The following MTUS2 variants were observed in gnomAD, a reference collection of about 807,000 sequenced individuals.
The protein encoded by MTUS2 is microtubule associated scaffold protein 2.
A neutral mutation model predicts 114.1 loss-of-function variants in MTUS2; 40 were observed. That is an observed-to-expected ratio of 0.35 (90% confidence interval 0.27 to 0.46). MTUS2 has a LOEUF of 0.46. Ranked by LOEUF, MTUS2 falls within the 20% of genes least tolerant of loss-of-function variation. The pLI is 1.00. For missense variants in MTUS2, 1,679 were observed against 1,705.4 expected (o/e 0.98, Z 0.27); for synonymous variants, 688 against 672.0 (o/e 1.02, Z -0.37).
chr13:28,863,956 A>G (rs984655314), intron 2 of MTUS2, among the ~76,000 whole-genome samples: 12 of 152,154 alleles, frequency 7.9e-5, no homozygotes, highest in African/African-American at 2.9e-4. Context: ...TCAGCCTCCA[A>G]AAATACTGGG....
At chr13:29,465,511 G>A (rs1879827373) in intron 9 of MTUS2, among the ~76,000 whole-genome samples, 1 of 152,170 alleles carries the variant, frequency 6.6e-6, no homozygotes, top group Admixed American at 6.5e-5. Context: ...TAATCGCGTA[G>A]GCTACCCTTA....
In MTUS2 at chr13:29,503,130, C is replaced by G. The variant is rs1442920473; in HGVS notation, c.4034C>G (p.Ser1345Trp). Reference sequence around the variant, plus strand: ...GACCCGACCAGTCCGATTAAACTCTCGCCCACATCTCCCGTTTACCGCGGC... The same window carrying G: ...GACCCGACCAGTCCGATTAAACTCTGGCCCACATCTCCCGTTTACCGCGGC... ...TGDPTSPIKLSPTSPVYRGSS... is the reference protein window; with the variant it reads ...TGDPTSPIKLWPTSPVYRGSS... Residue 1345 changes from serine (S) to tryptophan (W), a missense_variant, in exon 16 of 16, where the codon TCG becomes TGG. By Grantham distance (177) the Ser-to-Trp change is radical (BLOSUM62 -3). This residue lies in a region of MTUS2 where 822 missense variants were observed against 899.7 expected (regional missense o/e 0.91). Transcript: ENST00000612955. 3 of 1,614,252 alleles carry G rather than the reference C, an allele frequency of 1.9e-6. No homozygotes were observed. The highest frequency in any genetic ancestry group is 2.5e-6 in the Non-Finnish European group (3 of 1,180,044).
At chr13:28,909,142 C>T (rs1293320895) in intron 2 of MTUS2, among the ~76,000 whole-genome samples, 1 of 151,426 alleles carries the variant, frequency 6.6e-6, no homozygotes, top group Non-Finnish European at 1.5e-5. Flanking sequence ...CAGCTTTGTT[C>T]TTTTGGCTTA....
chr13:28,912,555 C>CACA (rs1461471082), intron 2 of MTUS2, among the ~76,000 whole-genome samples: 2 of 151,898 alleles, frequency 1.3e-5, no homozygotes, highest in Non-Finnish European at 2.9e-5. Flanking sequence ...TGAAGAATGT[C>CACA]AATGGTAGTT....
At position 29,404,432 on chromosome 13, in the gene MTUS2, A is replaced by T. The variant is rs1874602109; in HGVS notation, c.3118-35551A>T. On this transcript the variant is annotated intron_variant, in intron 8 of 15. Coordinates refer to ENST00000612955, the MANE Select transcript of MTUS2 (RefSeq NM_001033602.4). ...GCTACTCGAGAGGCTGAGGCAGGAA[A>T]ATGGCTTGATGCAGCTTGCCAGCCT... Among the ~76,000 whole-genome samples the T allele has an allele frequency of 2.0e-5, 3 of 152,158 alleles. No homozygotes were observed. In the South Asian group the frequency reaches 6.2e-4, roughly 32 times the overall value.
chr13:29,085,214 G>A (rs1889637110), intron 4 of MTUS2, among the ~76,000 whole-genome samples: 2 of 152,138 alleles, frequency 1.3e-5, no homozygotes, highest in Non-Finnish European at 1.5e-5. Context: ...TTCTCATACA[G>A]CTAGAAGAAC....
intron 5 of MTUS2, among the ~76,000 whole-genome samples, chr13:29,186,884 T>C (rs2139179285): frequency 6.6e-6 from 1 of 152,256 alleles, no homozygotes; most frequent in East Asian, 1.9e-4. Flanking sequence ...AAAGTCAGCC[T>C]CAATGAGGGA....
intron 7 of MTUS2, chr13:29,339,933 AGTT>A (rs1433674603): frequency 6.6e-6 from 1 of 152,480 alleles, no homozygotes; most frequent in African/African-American, 2.4e-5. Flanking sequence ...CAGCTCAAGT[AGTT>A]GCCCATGACA....
At chr13:29,100,328 C>T (rs1340968071) in intron 4 of MTUS2, among the ~76,000 whole-genome samples, 1 of 152,192 alleles carries the variant, frequency 6.6e-6, no homozygotes, top group Non-Finnish European at 1.5e-5. Flanking sequence ...TTATTACAAA[C>T]TGCTTAAAAT....
intron 7 of MTUS2, among the ~76,000 whole-genome samples, chr13:29,354,212 G>A (rs1285760835): frequency 6.8e-6 from 1 of 147,832 alleles, no homozygotes; most frequent in Non-Finnish European, 1.5e-5. Flanking sequence ...TTAATGTCTT[G>A]AAAACCATTG....
intron 5 of MTUS2, among the ~76,000 whole-genome samples, chr13:29,138,418 AAATATAT>A (rs1350964997): frequency 6.7e-6 from 1 of 149,154 alleles, no homozygotes; most frequent in African/African-American, 2.4e-5. Flanking sequence ...TTATAATACC[AAATATAT>A]AATATAAATA....
At chr13:29,058,580 TTAA>T (rs1333224903) in intron 4 of MTUS2, among the ~76,000 whole-genome samples, 5 of 142,076 alleles carry the variant, frequency 3.5e-5, no homozygotes, top group African/African-American at 7.9e-5. Context: ...TTTTTTTTTT[TTAA>T]TTATTATTTT....
intron 8 of MTUS2, among the ~76,000 whole-genome samples, chr13:29,408,790 G>A (rs935921057): frequency 2.0e-5 from 3 of 151,736 alleles, no homozygotes; most frequent in Non-Finnish European, 2.9e-5. Context: ...GTTTCTACAC[G>A]TGTGTATCTG....
chr13:29,032,837 G>A (rs1450202678), intron 3 of MTUS2, among the ~76,000 whole-genome samples: 1 of 152,176 alleles, frequency 6.6e-6, no homozygotes, highest in African/African-American at 2.4e-5. Context: ...CATAAAATGT[G>A]CTGTGATTTA....
chr13:29,076,274 A>T (rs985902483), intron 4 of MTUS2, among the ~76,000 whole-genome samples: 2 of 152,164 alleles, frequency 1.3e-5, no homozygotes, highest in African/African-American at 4.8e-5. Context: ...AGCCACTCTT[A>T]CAGGATAAGT....
At chr13:28,878,281 GTGTA>G (rs1411650001) in intron 2 of MTUS2, among the ~76,000 whole-genome samples, 3 of 150,864 alleles carry the variant, frequency 2.0e-5, no homozygotes, top group African/African-American at 4.9e-5. Context: ...ATATATGTGT[GTGTA>G]TGTGTGTACA....
At chr13:28,983,048 ACC>A (rs1884428934) in intron 2 of MTUS2, among the ~76,000 whole-genome samples, 3 of 152,316 alleles carry the variant, frequency 2.0e-5, no homozygotes, top group Non-Finnish European at 4.4e-5. Context: ...TGGATATCTT[ACC>A]ATAAAACCAT....
chr13:28,929,360 G>T (rs1881491986), intron 2 of MTUS2, among the ~76,000 whole-genome samples: 4 of 152,034 alleles, frequency 2.6e-5, no homozygotes, highest in African/African-American at 9.7e-5. Context: ...TATTTAAGGT[G>T]GTAGAGATCC....
intron 4 of MTUS2, among the ~76,000 whole-genome samples, chr13:29,096,717 A>C (rs1338040732): frequency 6.6e-6 from 1 of 152,032 alleles, no homozygotes; most frequent in African/African-American, 2.4e-5. Context: ...GATTGGGCAA[A>C]ATCTCTCAGT....
Sources: gnomAD v4.1 joint callset for allele counts (sites outside exome capture counted in the v4.1 genomes callset) on GRCh38, gnomAD v4.1.1 for gene constraint, gnomAD v4.1.1 regional missense constraint, MANE v1.5 for transcripts, NCBI Gene and HGNC (gene_info 2026-07-23, HGNC 2026-07-21) for gene names.